CCSER2: variants seen among roughly 807,000 people sequenced by gnomAD.
The protein encoded by CCSER2 is coiled-coil serine rich protein 2, also known as serine-rich coiled-coil domain-containing protein 2.
Under a neutral mutation model 92.3 loss-of-function variants are expected in CCSER2, and 46 were observed. The ratio of observed to expected loss-of-function variants is 0.50; its 90% CI spans 0.39 to 0.64. The LOEUF is 0.64. Ranked by LOEUF, CCSER2 falls within the 30% of genes least tolerant of loss-of-function variation. The probability of loss-of-function intolerance (pLI) is 0.00; values close to 1 mark genes in which losing one functional copy is unlikely to be tolerated. For synonymous variants in CCSER2, 433 were observed against 431.4 expected (o/e 1.00, Z -0.04); for missense variants, 1,244 against 1,238.9 (o/e 1.00, Z -0.06).
chr10:84,350,068 G>T (rs1199440583), intron 1 of CCSER2, among the ~76,000 whole-genome samples: 2 of 152,162 alleles, frequency 1.3e-5, no homozygotes, highest in African/African-American at 4.8e-5. Flanking sequence ...CAGGAGAATT[G>T]CTTGAACCTG....
chr10:84,342,452 CTCATGTACCCTG>C (rs1424067928), intron 1 of CCSER2, among the ~76,000 whole-genome samples: 6 of 152,136 alleles, frequency 3.9e-5, no homozygotes, highest in South Asian at 2.1e-4. Context: ...ATTCCAGTTC[CTCATGTACCCTG>C]TCATGTACCC....
chr10:84,423,166 A>G lies in CCSER2; in HGVS notation c.1706-2565A>G, dbSNP rs562450630. Among the ~76,000 whole-genome samples, 3 of 152,272 alleles carry G rather than the reference A, an allele frequency of 2.0e-5. No individual in the cohort carries two copies. In the East Asian group the frequency reaches 5.8e-4, roughly 29 times the overall value. ...CAGTTATTTTGTCAGGGAACCTTTA[A>G]TCTTTTCTAAGAAACCATCAGCAGT... is the stretch of plus-strand genomic sequence containing the variant. On this transcript the variant is annotated intron_variant, in intron 4 of 9. Coordinates refer to ENST00000372088, the MANE Select transcript of CCSER2 (RefSeq NM_001284240.2).
chr10:84,475,187 C>A (rs1218558690), intron 8 of CCSER2, among the ~76,000 whole-genome samples: 1 of 147,948 alleles, frequency 6.8e-6, no homozygotes, highest in African/African-American at 2.7e-5. Context: ...CCTTCCTAAG[C>A]ATAGAGGAAT....
chr10:84,493,741 G>C (rs954455947), intron 9 of CCSER2, among the ~76,000 whole-genome samples: 9 of 152,214 alleles, frequency 5.9e-5, no homozygotes, highest in Non-Finnish European at 1.3e-4. Flanking sequence ...TGGGGAGAGG[G>C]TTGTGGGAGC....
intron 9 of CCSER2, among the ~76,000 whole-genome samples, chr10:84,481,561 A>G (rs1019925735): frequency 6.6e-6 from 1 of 152,162 alleles, no homozygotes; most frequent in Non-Finnish European, 1.5e-5. Context: ...TGAACCCAGC[A>G]AGGGAATAGT....
chr10:84,447,822 T>C (rs1845020676), intron 6 of CCSER2, among the ~76,000 whole-genome samples: 1 of 152,046 alleles, frequency 6.6e-6, no homozygotes, highest in Admixed American at 6.6e-5. Flanking sequence ...TTTTGTTTTG[T>C]TTTTTGCAGC....
chr10:84,512,405 A>AGAGAGAGAGAGGGGGAGGAGAGAGAGAG (rs1849407236), intron 9 of CCSER2, among the ~76,000 whole-genome samples: 20 of 140,714 alleles, frequency 1.4e-4, no homozygotes, highest in Admixed American at 3.7e-4. Flanking sequence ...TGAGAGAGAG[A>AGAGAGAGAGAGGGGGAGGAGAGAGAGAG]GAGAGAGAGA....
intron 9 of CCSER2, among the ~76,000 whole-genome samples, chr10:84,512,956 A>T (rs1032406988): frequency 6.6e-6 from 1 of 152,204 alleles, no homozygotes; most frequent in Non-Finnish European, 1.5e-5. Context: ...ATTTACTCTA[A>T]ATCTTGTTTA....
In CCSER2 at chr10:84,372,183, C is replaced by A; in HGVS notation, c.1131C>A (p.Asn377Lys). 6.2e-7 allele frequency: 1 copy of A among 1,613,564 alleles called. No individual in the cohort carries two copies. The highest frequency in any genetic ancestry group is 8.5e-7 in the Non-Finnish European group (1 of 1,179,766). The change falls in exon 2 of 10, where the codon AAC becomes AAA. Residue 377 changes from asparagine to lysine, a missense_variant. Transcript: ENST00000372088. ...LIENESYRTK[N>K]NQTMKHDAKM... Reference sequence around the variant, plus strand: ...AAAATGAAAGTTATAGAACAAAAAACAACCAGACCATGAAACATGATGCTA... The same window carrying A: ...AAAATGAAAGTTATAGAACAAAAAAAAACCAGACCATGAAACATGATGCTA...
At chr10:84,423,381 T>G (rs188846960) in intron 4 of CCSER2, among the ~76,000 whole-genome samples, 1 of 152,342 alleles carries the variant, frequency 6.6e-6, no homozygotes, top group Non-Finnish European at 1.5e-5. Flanking sequence ...CTTCTAATGC[T>G]TACTTACCAT....
chr10:84,431,641 C>G (rs1589646172), intron 5 of CCSER2, among the ~76,000 whole-genome samples: 1 of 151,974 alleles, frequency 6.6e-6, no homozygotes, highest in African/African-American at 2.4e-5. Context: ...ACTTGGGAGG[C>G]TGAGGTGGGG....
intron 9 of CCSER2, among the ~76,000 whole-genome samples, chr10:84,492,934 T>C (rs1393681751): frequency 6.6e-6 from 1 of 152,202 alleles, no homozygotes; most frequent in Non-Finnish European, 1.5e-5. Context: ...TTTGTTGTAC[T>C]GTCTTTGTCT....
intron 9 of CCSER2, among the ~76,000 whole-genome samples, chr10:84,493,294 A>AGTGAT (rs1475771679): frequency 1.3e-5 from 2 of 152,108 alleles, no homozygotes; most frequent in East Asian, 3.9e-4. Context: ...GAGGGTCTGT[A>AGTGAT]GTGATATTCC....
chr10:84,476,184 A>G (rs1847126647), intron 8 of CCSER2, among the ~76,000 whole-genome samples: 1 of 152,156 alleles, frequency 6.6e-6, no homozygotes. Flanking sequence ...GGAATGGGAA[A>G]TATGTCTCTA....
chr10:84,483,121 T>G (rs1447835472), intron 9 of CCSER2, among the ~76,000 whole-genome samples: 4 of 152,168 alleles, frequency 2.6e-5, no homozygotes, highest in African/African-American at 4.8e-5. Flanking sequence ...CTTTTTGTGC[T>G]TAGAATTAGG....
At chr10:84,495,774 TG>T (rs1848414044) in intron 9 of CCSER2, among the ~76,000 whole-genome samples, 3 of 132,926 alleles carry the variant, frequency 2.3e-5, no homozygotes, top group Admixed American at 1.5e-4. Flanking sequence ...AAATTTCTTT[TG>T]TTTTTTTTTT....
intron 9 of CCSER2, 86 bp downstream of exon 9, chr10:84,477,750 A>C: frequency 1.4e-6 from 1 of 728,398 alleles, no homozygotes; most frequent in Non-Finnish European, 2.3e-6. Flanking sequence ...ATCTCTAATG[A>C]TTTTGAATCT....
At position 84,517,387 on chromosome 10, in the gene CCSER2, T is replaced by C. The variant is rs1849631610; in HGVS notation, c.*3120T>C. ...TTCTAATAACTGAGACCATCTAACA[T>C]TTTTCTTTTGGAGTCTCATTTTTAT... On this transcript the variant is annotated 3_prime_UTR_variant, in exon 10 of 10. Transcript: ENST00000372088. 1 of 152,622 alleles carries C rather than the reference T, an allele frequency of 6.6e-6. No homozygotes were observed. The highest frequency in any genetic ancestry group is 6.5e-5 in the Admixed American group (1 of 15,276). The allele number at this position is 152,622 out of a possible 1,614,324, so 9.5% of individuals were successfully genotyped here.
intron 1 of CCSER2, among the ~76,000 whole-genome samples, chr10:84,340,757 C>T (rs1844132001): frequency 1.3e-5 from 2 of 151,998 alleles, no homozygotes; most frequent in South Asian, 4.1e-4. Context: ...CTGTCACCAT[C>T]TTACAAGTTA....
Sources: gnomAD v4.1 joint callset for allele counts (sites outside exome capture counted in the v4.1 genomes callset) on GRCh38, gnomAD v4.1.1 for gene constraint, MANE v1.5 for transcripts, NCBI Gene and HGNC (gene_info 2026-07-23, HGNC 2026-07-21) for gene names.